NRG3: variants seen among roughly 807,000 people sequenced by gnomAD.
NRG3 encodes neuregulin 3, also known as pro-neuregulin-3, membrane-bound isoform.
Under a neutral mutation model 66.9 loss-of-function variants are expected in NRG3, and 31 were observed. The ratio of observed to expected loss-of-function variants is 0.46; its 90% CI spans 0.35 to 0.63. The LOEUF is 0.63. NRG3 is among the 20% of genes least tolerant of loss of function. The probability of loss-of-function intolerance (pLI) is 0.00; values close to 1 mark genes in which losing one functional copy is unlikely to be tolerated. For synonymous variants in NRG3, 393 were observed against 359.4 expected (o/e 1.09, Z -1.06); for missense variants, 910 against 878.9 (o/e 1.04, Z -0.45).
chr10:82,874,372 G>T (rs1564590598), intron 4 of NRG3, among the ~76,000 whole-genome samples: 1 of 151,560 alleles, frequency 6.6e-6, no homozygotes, highest in African/African-American at 2.4e-5. Flanking sequence ...TTGTGAACTG[G>T]CGTTAGAGAT....
intron 1 of NRG3, among the ~76,000 whole-genome samples, chr10:82,053,815 G>C (rs2063711714): frequency 6.6e-6 from 1 of 152,152 alleles, no homozygotes; most frequent in African/African-American, 2.4e-5. Context: ...AATTTTAAAT[G>C]GATAGTTTGG....
At chr10:82,610,768 G>A (rs960054921) in intron 2 of NRG3, among the ~76,000 whole-genome samples, 2 of 152,130 alleles carry the variant, frequency 1.3e-5, no homozygotes, top group African/African-American at 2.4e-5. Context: ...CAGGAGTTAT[G>A]TATGACTTTG....
intron 1 of NRG3, among the ~76,000 whole-genome samples, chr10:82,057,260 G>T (rs2063891730): frequency 6.6e-6 from 1 of 151,450 alleles, no homozygotes; most frequent in Admixed American, 6.6e-5. Flanking sequence ...AGAGTTATTT[G>T]GTTCTTTATC....
At chr10:82,614,142 C>A (rs901549810) in intron 2 of NRG3, among the ~76,000 whole-genome samples, 2 of 152,026 alleles carry the variant, frequency 1.3e-5, no homozygotes, top group African/African-American at 2.4e-5. Context: ...TTGTGATCCG[C>A]CTGCCTTGGC....
chr10:82,437,172 C>T (rs1274795626), intron 2 of NRG3, among the ~76,000 whole-genome samples: 1 of 152,058 alleles, frequency 6.6e-6, no homozygotes, highest in Admixed American at 6.5e-5. Flanking sequence ...TCTGGTACTC[C>T]AATCAATCAT....
At chr10:82,236,882 G>C (rs528706618) in intron 1 of NRG3, among the ~76,000 whole-genome samples, 1 of 151,800 alleles carries the variant, frequency 6.6e-6, no homozygotes, top group East Asian at 2.0e-4. Flanking sequence ...CGCCCAGCTA[G>C]CTTTTTGTAT....
At chr10:82,399,405 A>G (rs2136038249) in intron 2 of NRG3, among the ~76,000 whole-genome samples, 1 of 152,346 alleles carries the variant, frequency 6.6e-6, no homozygotes, top group African/African-American at 2.4e-5. Flanking sequence ...TGTATTTCCC[A>G]TACTAGGAGT....
At chr10:82,372,824 C>A (rs1240345361) in intron 2 of NRG3, among the ~76,000 whole-genome samples, 2 of 152,202 alleles carry the variant, frequency 1.3e-5, no homozygotes, top group African/African-American at 2.4e-5. Flanking sequence ...AAACTCCAGG[C>A]CTCAAGGGAT....
intron 2 of NRG3, among the ~76,000 whole-genome samples, chr10:82,533,824 C>G (rs1175631299): frequency 6.6e-6 from 1 of 152,020 alleles, no homozygotes; most frequent in African/African-American, 2.4e-5. Flanking sequence ...ACAACATGAT[C>G]TTATATATGG....
intron 2 of NRG3, among the ~76,000 whole-genome samples, chr10:82,471,924 A>G (rs1355603351): frequency 1.3e-5 from 2 of 151,988 alleles, no homozygotes; most frequent in African/African-American, 2.4e-5. Context: ...TATATTTCTT[A>G]AAGTTTGGAG....
At chr10:82,214,596 A>G (rs752275254) in intron 1 of NRG3, among the ~76,000 whole-genome samples, 17 of 152,044 alleles carry the variant, frequency 1.1e-4, no homozygotes, top group Non-Finnish European at 2.5e-4. Flanking sequence ...CCAAGTAGCT[A>G]GGACTACAGG....
At chr10:82,402,405 GC>G (rs1382322104) in intron 2 of NRG3, among the ~76,000 whole-genome samples, 2 of 152,026 alleles carry the variant, frequency 1.3e-5, no homozygotes, top group African/African-American at 2.4e-5. Context: ...GAAAAAACAA[GC>G]TTTTCTCCTT....
chr10:82,823,346 A>G (rs1202469316), intron 3 of NRG3, among the ~76,000 whole-genome samples: 1 of 152,196 alleles, frequency 6.6e-6, no homozygotes, highest in Non-Finnish European at 1.5e-5. Context: ...CTCTCAGAAC[A>G]AAGCAGGGAT....
chr10:81,962,757 G>T (rs1231661920), intron 1 of NRG3, among the ~76,000 whole-genome samples: 4 of 152,208 alleles, frequency 2.6e-5, no homozygotes. Context: ...CTCCAAGATG[G>T]CTCCTCCAGT....
At chr10:82,045,410 G>C (rs1166631178) in intron 1 of NRG3, among the ~76,000 whole-genome samples, 1 of 96,342 alleles carries the variant, frequency 1.0e-5, no homozygotes, top group Non-Finnish European at 2.3e-5. Flanking sequence ...TTTTTGATGG[G>C]GTTGTTTGTT....
intron 1 of NRG3, among the ~76,000 whole-genome samples, chr10:82,116,901 G>A (rs2067760953): frequency 6.6e-6 from 1 of 152,104 alleles, no homozygotes; most frequent in African/African-American, 2.4e-5. Context: ...ATGACCTGGA[G>A]CTTTGCTTTC....
intron 1 of NRG3, among the ~76,000 whole-genome samples, chr10:82,274,924 A>G (rs1461180912): frequency 1.3e-5 from 2 of 151,972 alleles, no homozygotes; most frequent in African/African-American, 2.4e-5. Context: ...CCCAATTCCA[A>G]ACTTCATGCC....
At chr10:82,813,211 C>CTTTTTTTTT (rs58875697) in intron 3 of NRG3, among the ~76,000 whole-genome samples, 3 of 112,152 alleles carry the variant, frequency 2.7e-5, no homozygotes, top group Non-Finnish European at 3.5e-5. Context: ...CTCTGTTTCT[C>CTTTTTTTTT]TTTTTTTTTT....
At chr10:81,934,498 CCTT>C (rs1255142803) in intron 1 of NRG3, among the ~76,000 whole-genome samples, 1 of 152,154 alleles carries the variant, frequency 6.6e-6, no homozygotes, top group Non-Finnish European at 1.5e-5. Flanking sequence ...AAATGTCTCT[CCTT>C]CTCCTTGAGC....
Sources: allele counts gnomAD v4.1 joint callset (sites outside exome capture counted in the v4.1 genomes callset), GRCh38; gene constraint gnomAD v4.1.1; transcripts MANE v1.5; gene names NCBI Gene and HGNC (gene_info 2026-07-23, HGNC 2026-07-21).